The following FAM240B variants were observed in gnomAD, a reference collection of about 807,000 sequenced individuals.
The protein encoded by FAM240B is protein FAM240B.
chr9:38,699,297 C>A (rs1821097626), intron 2 of FAM240B, among the ~76,000 whole-genome samples: 1 of 152,126 alleles, frequency 6.6e-6, no homozygotes, highest in Non-Finnish European at 1.5e-5. Flanking sequence ...GTGAGGACAA[C>A]TGGATCTATA....
chr9:38,714,980 G>T (rs1266795334), intron 1 of FAM240B, among the ~76,000 whole-genome samples: 1 of 152,178 alleles, frequency 6.6e-6, no homozygotes, highest in African/African-American at 2.4e-5. Context: ...ATGTACCATG[G>T]CTACGTAAGA....
chr9:38,699,477 G>A (rs1417848553), intron 2 of FAM240B, among the ~76,000 whole-genome samples: 1 of 152,176 alleles, frequency 6.6e-6, no homozygotes, highest in Non-Finnish European at 1.5e-5. Flanking sequence ...GAAAAGAGAG[G>A]GGGGAAGTAA....
At chr9:38,719,537 G>A (rs1587596385) in intron 1 of FAM240B, among the ~76,000 whole-genome samples, 2 of 152,100 alleles carry the variant, frequency 1.3e-5, no homozygotes, top group South Asian at 2.1e-4. Flanking sequence ...CAACTCAGAC[G>A]AAAGGGAATT....
intron 2 of FAM240B, among the ~76,000 whole-genome samples, chr9:38,695,573 A>T (rs914614692): frequency 5.9e-5 from 9 of 152,332 alleles, no homozygotes; most frequent in South Asian, 4.1e-4. Context: ...ATAAAGAAAA[A>T]AATGAATAGT....
intron 1 of FAM240B, among the ~76,000 whole-genome samples, chr9:38,710,211 G>A (rs1053747835): frequency 1.2e-4 from 19 of 152,150 alleles, no homozygotes; most frequent in African/African-American, 3.9e-4. Flanking sequence ...CTCGTGATCC[G>A]CCTGCCTCGG....
At position 38,702,051 on chromosome 9, in the gene FAM240B, A is replaced by C. The variant is rs574944077; in HGVS notation, c.143+1806T>G. Among the ~76,000 whole-genome samples the C allele has an allele frequency of 9.2e-5, 14 of 152,242 alleles. No individual in the cohort carries two copies. The South Asian group carries it at 2.9e-3, about 32-fold the overall frequency. ...CTTGACAAAAATAAGATCATATTGC[A>C]AGTTTTGCTTTCTGGAAGGGAAGAT... On this transcript the variant is annotated intron_variant, in intron 2 of 2. Coordinates refer to ENST00000637493, the MANE Select transcript of FAM240B (RefSeq NM_001394922.1).
At chr9:38,696,683 G>A (rs1821073671) in intron 2 of FAM240B, among the ~76,000 whole-genome samples, 1 of 152,174 alleles carries the variant, frequency 6.6e-6, no homozygotes, top group South Asian at 2.1e-4. Flanking sequence ...GCATGGTGGC[G>A]GGCGCCTGTA....
At chr9:38,711,898 C>G (rs1212158935) in intron 1 of FAM240B, among the ~76,000 whole-genome samples, 1 of 152,008 alleles carries the variant, frequency 6.6e-6, no homozygotes, top group Non-Finnish European at 1.5e-5. Flanking sequence ...CCTCGTGATC[C>G]GCCCGTCTCG....
intron 1 of FAM240B, among the ~76,000 whole-genome samples, chr9:38,716,570 C>A (rs909536755): frequency 3.3e-5 from 5 of 152,196 alleles, no homozygotes; most frequent in Non-Finnish European, 5.9e-5. Context: ...AGTCAAAATT[C>A]TCCAAAGAAT....
At chr9:38,697,259 A>C (rs1821079273) in intron 2 of FAM240B, among the ~76,000 whole-genome samples, 1 of 152,228 alleles carries the variant, frequency 6.6e-6, no homozygotes, top group African/African-American at 2.4e-5. Flanking sequence ...GCCTCAGATC[A>C]ATGCCAAGGC....
intron 1 of FAM240B, among the ~76,000 whole-genome samples, chr9:38,710,234 C>T (rs1336343713): frequency 6.6e-6 from 1 of 152,186 alleles, no homozygotes; most frequent in Non-Finnish European, 1.5e-5. Flanking sequence ...TCCCAAAGTG[C>T]TGGGATTACA....
intron 1 of FAM240B, among the ~76,000 whole-genome samples, chr9:38,707,708 C>A (rs1022375668): frequency 6.7e-6 from 1 of 150,336 alleles, no homozygotes; most frequent in Non-Finnish European, 1.5e-5. Context: ...GCAGGAGAAT[C>A]GCTTGAACCT....
intron 2 of FAM240B, among the ~76,000 whole-genome samples, chr9:38,702,591 G>A (rs980280197): frequency 2.0e-5 from 3 of 152,212 alleles, no homozygotes; most frequent in Non-Finnish European, 4.4e-5. Context: ...TGACGTGTGA[G>A]GGTAGGTGCT....
chr9:38,700,314 A>G (rs1426977657), intron 2 of FAM240B, among the ~76,000 whole-genome samples: 2 of 152,234 alleles, frequency 1.3e-5, no homozygotes, highest in African/African-American at 4.8e-5. Flanking sequence ...ATTGATAGGC[A>G]GCCTTCAGAG....
At chr9:38,705,749 G>T (rs1012047882) in intron 1 of FAM240B, among the ~76,000 whole-genome samples, 1 of 152,222 alleles carries the variant, frequency 6.6e-6, no homozygotes, top group Non-Finnish European at 1.5e-5. Context: ...CACCTGAAGG[G>T]AACAGCATGT....
At chr9:38,704,649 T>C (rs1462367683) in intron 1 of FAM240B, among the ~76,000 whole-genome samples, 5 of 152,230 alleles carry the variant, frequency 3.3e-5, no homozygotes, top group African/African-American at 1.2e-4. Flanking sequence ...CTAAGCCTCA[T>C]GCATGACAAA....
intron 2 of FAM240B, among the ~76,000 whole-genome samples, chr9:38,700,689 G>A (rs1821115822): frequency 6.6e-6 from 1 of 152,194 alleles, no homozygotes; most frequent in African/African-American, 2.4e-5. Context: ...TCAATCAGTT[G>A]TTTGCAAACA....
Sources: gnomAD v4.1 joint callset for allele counts (sites outside exome capture counted in the v4.1 genomes callset) on GRCh38, gnomAD v4.1.1 for gene constraint, MANE v1.5 for transcripts, NCBI Gene and HGNC (gene_info 2026-07-23, HGNC 2026-07-21) for gene names.